Variants in VPS8 observed in about 807,000 individuals in gnomAD.
The protein encoded by VPS8 is VPS8 subunit of CORVET complex, also known as vacuolar protein sorting-associated protein 8 homolog.
In VPS8, 129 loss-of-function variants were observed where a neutral mutation model predicts 216.4. That is an observed-to-expected ratio of 0.60 (90% confidence interval 0.52 to 0.69). The LOEUF is 0.69. Among genes scored for constraint, VPS8 ranks in the 30% least tolerant of loss-of-function variants. The pLI, the probability that VPS8 is intolerant of heterozygous loss-of-function variation, is 0.00. For missense variants in VPS8, 1,531 were observed against 1,683.5 expected, an observed-to-expected ratio of 0.91 and a Z score of 1.59; for synonymous variants, 571 against 565.4, an observed-to-expected ratio of 1.01 and a Z score of -0.14.
intron 2 of VPS8, among the ~76,000 whole-genome samples, chr3:184,825,891 A>C (rs1412949383): frequency 1.3e-5 from 2 of 150,560 alleles, no homozygotes; most frequent in East Asian, 3.9e-4. Flanking sequence ...TCACAGCAAG[A>C]CTCTGTCTCA....
At chr3:184,875,028 T>C (rs529718372) in intron 21 of VPS8, among the ~76,000 whole-genome samples, 1 of 151,794 alleles carries the variant, frequency 6.6e-6, no homozygotes, top group South Asian at 2.1e-4. Flanking sequence ...AAAGGCAGGA[T>C]GACCAACTGA....
At chr3:185,013,294 TC>T (rs1755310522) in intron 45 of VPS8, among the ~76,000 whole-genome samples, 1 of 152,216 alleles carries the variant, frequency 6.6e-6, no homozygotes, top group Non-Finnish European at 1.5e-5. Context: ...CAACATGTCC[TC>T]CTTCTTTGTT....
intron 40 of VPS8, among the ~76,000 whole-genome samples, chr3:184,977,464 G>T (rs958094259): frequency 6.6e-6 from 1 of 151,936 alleles, no homozygotes; most frequent in Non-Finnish European, 1.5e-5. Flanking sequence ...GTTTAATTAG[G>T]TCTCATTTTT....
intron 1 of VPS8, among the ~76,000 whole-genome samples, chr3:184,815,346 C>A (rs185427113): frequency 0.027 from 4,070 of 152,238 alleles, 186 homozygotes; most frequent in African/African-American, 0.093. Flanking sequence ...TTTACATCAG[C>A]ATCACCACAG....
intron 29 of VPS8, 82 bp downstream of exon 29, chr3:184,920,280 A>C: frequency 1.0e-6 from 1 of 953,882 alleles, no homozygotes; most frequent in Non-Finnish European, 1.5e-6. Context: ...TTATAAAATA[A>C]TCTTGTTAAG....
chr3:185,004,445 G>A (rs939973641), intron 45 of VPS8, among the ~76,000 whole-genome samples: 7 of 152,204 alleles, frequency 4.6e-5, no homozygotes, highest in South Asian at 2.1e-4. Context: ...GTCCAGCCTC[G>A]GCTCGGCCTC....
At chr3:184,960,853 T>C (rs1327073905) in intron 37 of VPS8, among the ~76,000 whole-genome samples, 1 of 152,196 alleles carries the variant, frequency 6.6e-6, no homozygotes, top group African/African-American at 2.4e-5. Context: ...GACTCACATA[T>C]GAAGTTACCT....
chr3:184,927,710 T>C (rs560705551), intron 31 of VPS8, among the ~76,000 whole-genome samples: 2 of 152,296 alleles, frequency 1.3e-5, no homozygotes, highest in African/African-American at 4.8e-5. Flanking sequence ...TGAACTACCA[T>C]ACCAATTAAA....
chr3:184,862,730 C>T (rs1371993881), intron 15 of VPS8, among the ~76,000 whole-genome samples, 167 bp from the exon 16 acceptor site: 1 of 152,184 alleles, frequency 6.6e-6, no homozygotes, highest in Non-Finnish European at 1.5e-5. Context: ...ACCTACTGTT[C>T]TCTGGCCTGT....
At chr3:184,896,528 C>T (rs1161257375) in intron 23 of VPS8, among the ~76,000 whole-genome samples, 2 of 152,060 alleles carry the variant, frequency 1.3e-5, no homozygotes, top group Non-Finnish European at 2.9e-5. Flanking sequence ...TCATTTTTTT[C>T]CCCCACTTCC....
At chr3:184,937,882 A>G (rs1414032019) in intron 35 of VPS8, among the ~76,000 whole-genome samples, 1 of 152,184 alleles carries the variant, frequency 6.6e-6, no homozygotes, top group Admixed American at 6.5e-5. Context: ...GGGTTGCAAA[A>G]TACAGCTTGG....
At chr3:184,890,468 G>A (rs1322454362) in intron 22 of VPS8, among the ~76,000 whole-genome samples, 2 of 151,764 alleles carry the variant, frequency 1.3e-5, no homozygotes, top group Admixed American at 6.6e-5. Flanking sequence ...TGTTTCTTAG[G>A]TGGGTGAAAT....
intron 5 of VPS8, among the ~76,000 whole-genome samples, 158 bp from the exon 6 acceptor site, chr3:184,838,556 A>G (rs1721543292): frequency 6.6e-6 from 1 of 152,160 alleles, no homozygotes; most frequent in South Asian, 2.1e-4. Context: ...GTTGAGATAT[A>G]TAGCTTTTGT....
At chr3:185,002,113 G>A (rs1753498669) in intron 45 of VPS8, among the ~76,000 whole-genome samples, 1 of 152,190 alleles carries the variant, frequency 6.6e-6, no homozygotes, top group Non-Finnish European at 1.5e-5. Flanking sequence ...AGAGTGAAAT[G>A]AGGTGAGGTT....
At chr3:184,908,126 C>T (rs1578187241) in intron 25 of VPS8, among the ~76,000 whole-genome samples, 3 of 152,116 alleles carry the variant, frequency 2.0e-5, no homozygotes, top group Non-Finnish European at 4.4e-5. Context: ...ACTGTTTTCA[C>T]AAATGTCCTG....
At position 185,051,815 on chromosome 3, in the gene VPS8, A is replaced by G. The variant is rs144861400; in HGVS notation, c.4138-61A>G. The G allele has an allele frequency of 2.8e-5, 41 of 1,488,270 alleles. No homozygotes were observed. In the South Asian group the frequency reaches 5.6e-4, roughly 20 times the overall value. 92.2% of individuals were successfully genotyped at this position (1,488,270 alleles called of 1,614,324 possible). A position where few individuals can be genotyped will look rare whatever the true frequency, so the allele number is the denominator to read the frequency against. On this transcript the variant is annotated intron_variant, in intron 47 of 47. Transcript: ENST00000625842. The stretch of plus-strand genomic sequence containing the variant: ...CTCATGTATCTGAAGCAGTGGATTC[A>G]GGAGCCTCTCTTCCCTCTGCTCCCC...
chr3:185,040,461 T>C (rs1487243654), intron 46 of VPS8, among the ~76,000 whole-genome samples: 3 of 152,164 alleles, frequency 2.0e-5, no homozygotes, highest in Admixed American at 6.5e-5. Flanking sequence ...GAACAGACTT[T>C]CCAGTCCTTC....
chr3:184,830,454 T>TCACACA (rs3040915), intron 3 of VPS8, among the ~76,000 whole-genome samples: 2,323 of 147,778 alleles, frequency 0.016, 51 homozygotes, highest in African/African-American at 0.052. Context: ...GTTTATCAGT[T>TCACACA]CACACACACA....
At chr3:184,961,261 CCATTTAA>C (rs1183737011) in intron 37 of VPS8, among the ~76,000 whole-genome samples, 1 of 152,038 alleles carries the variant, frequency 6.6e-6, no homozygotes, top group Non-Finnish European at 1.5e-5. Flanking sequence ...AGTATGTTTC[CCATTTAA>C]CATTTATTTT....
Sources: gnomAD v4.1 joint callset for allele counts (sites outside exome capture counted in the v4.1 genomes callset) on GRCh38, gnomAD v4.1.1 for gene constraint, MANE v1.5 for transcripts, NCBI Gene and HGNC (gene_info 2026-07-23, HGNC 2026-07-21) for gene names.